The following DOCK9 variants were observed in gnomAD, a reference collection of about 807,000 sequenced individuals.
The protein encoded by DOCK9 is dedicator of cytokinesis protein 9.
Under a neutral mutation model 263.3 loss-of-function variants are expected in DOCK9, and 89 were observed. The ratio of observed to expected loss-of-function variants is 0.34; its 90% CI spans 0.28 to 0.40. DOCK9 has a LOEUF of 0.40. DOCK9 is among the 10% of genes least tolerant of loss of function. The pLI, the probability that DOCK9 is intolerant of heterozygous loss-of-function variation, is 1.00. For missense variants in DOCK9, 2,140 were observed against 2,603.4 expected (o/e 0.82, Z 3.87); for synonymous variants, 976 against 973.1 (o/e 1.00, Z -0.06).
chr13:98,816,050 A>G (rs1027481102), intron 45 of DOCK9, among the ~76,000 whole-genome samples: 3 of 152,188 alleles, frequency 2.0e-5, no homozygotes, highest in African/African-American at 7.2e-5. Flanking sequence ...TCATCCACCT[A>G]TTGTATCATT....
At chr13:99,041,592 T>C (rs1457586628) in intron 1 of DOCK9, among the ~76,000 whole-genome samples, 3 of 152,154 alleles carry the variant, frequency 2.0e-5, no homozygotes, top group Non-Finnish European at 4.4e-5. Context: ...GAAGTACACT[T>C]CCTACTCATC....
intron 1 of DOCK9, among the ~76,000 whole-genome samples, chr13:99,004,465 T>C (rs1204677568): frequency 1.3e-5 from 2 of 152,178 alleles, no homozygotes; most frequent in African/African-American, 4.8e-5. Flanking sequence ...CAAACATCCA[T>C]AAAACTATTT....
Position 99,038,288 on chromosome 13 carries a change from C to CCGCTTTTTTTTTTTTTTTTTTTT in DOCK9, c.129+47934_129+47935insAAAAAAAAAAAAAAAAAAAAGCG, listed in dbSNP as rs1888110933. ...GCTGAAAAACTGGCTTTATGCCCCCCTTTTTTTTTTTTTTTTTTTTTTTTT... is the reference window on the plus strand; with the variant it reads ...GCTGAAAAACTGGCTTTATGCCCCCCCGCTTTTTTTTTTTTTTTTTTTTTTTTTTTTTTTTTTTTTTTTTTTTT... On this transcript the variant is annotated intron_variant, in intron 1 of 32. Transcript: ENST00000427887. Among the ~76,000 whole-genome samples the CCGCTTTTTTTTTTTTTTTTTTTT allele has an allele frequency of 4.6e-5, 4 of 86,264 alleles. 2 individuals carry two copies. Among genetic ancestry groups the CCGCTTTTTTTTTTTTTTTTTTTT allele is most frequent in the Non-Finnish European group, 8.7e-5 (4 of 45,974 alleles). 56.6% of individuals were successfully genotyped at this position (86,264 alleles called of 152,430 possible).
intron 1 of DOCK9, among the ~76,000 whole-genome samples, chr13:99,066,604 A>G (rs1378082002): frequency 6.6e-6 from 1 of 152,142 alleles, no homozygotes; most frequent in Non-Finnish European, 1.5e-5. Flanking sequence ...GTCAAGATCC[A>G]ACTCCTTGCA....
chr13:98,845,987 C>A lies in DOCK9; in HGVS notation c.4135G>T (p.Gly1379Ter). The change falls in exon 38 of 53, where the codon GGA becomes TGA. Residue 1379 changes from glycine (G) to a stop codon, truncating the protein, a stop_gained. Coordinates refer to ENST00000682017, the MANE Select transcript of DOCK9 (RefSeq NM_001366683.2). LOFTEE classifies it high-confidence loss of function. ...QTLPVSRNRT[G>*]MMHARLQQLG... ...TGCTGCAATCTGGCATGCATCATTCCTGTTCTGTTACGGGAAACAGGCAAT... is the reference window on the plus strand; with the variant it reads ...TGCTGCAATCTGGCATGCATCATTCATGTTCTGTTACGGGAAACAGGCAAT... 6.2e-7 allele frequency: 1 copy of A among 1,612,260 alleles called. No homozygotes were observed. The highest frequency in any genetic ancestry group is 8.5e-7 in the Non-Finnish European group (1 of 1,179,184).
intron 4 of DOCK9, 79 bp from the exon 5 acceptor site, chr13:98,923,450 G>A: frequency 8.4e-7 from 1 of 1,189,124 alleles, no homozygotes; most frequent in East Asian, 2.3e-5. Flanking sequence ...TCCATCATAG[G>A]GCCCGGCCTT....
At position 98,990,762 on chromosome 13, in the gene DOCK9, C is replaced by T. The variant is rs533857907; in HGVS notation, c.130-35211G>A. On this transcript the variant is annotated intron_variant, in intron 1 of 32. Transcript: ENST00000427887. ...ACATATGAGCACCCCAGTTAATGGG[C>T]TCACTTTATCCTTCTACTATACTAA... is the stretch of plus-strand genomic sequence containing the variant. Among the ~76,000 whole-genome samples, 3 of 152,330 alleles carry T rather than the reference C, an allele frequency of 2.0e-5. No individual in the cohort carries two copies. In the South Asian group the frequency reaches 6.2e-4, roughly 32 times the overall value.
chr13:98,952,796 A>G (rs1239436532), intron 2 of DOCK9, among the ~76,000 whole-genome samples: 1 of 152,242 alleles, frequency 6.6e-6, no homozygotes, highest in Admixed American at 6.5e-5. Flanking sequence ...CATTTCAAAT[A>G]TATTTGGCAG....
chr13:99,078,205 T>A lies in DOCK9; in HGVS notation c.129+8018A>T, dbSNP rs114767038. ...AGCAGGTCTAGGGCGGGGCACAACA[T>A]GCGGTAGAAGCGGGGAGAATCAGAA... On this transcript the variant is annotated intron_variant, in intron 1 of 32. Transcript: ENST00000427887. Among the ~76,000 whole-genome samples, 448 of 152,196 alleles carry A rather than the reference T, an allele frequency of 2.9e-3. 2 individuals are homozygous for A. The highest frequency in any genetic ancestry group is 0.01 in the African/African-American group (435 of 41,526).
chr13:98,987,993 C>G (rs1055421695), intron 1 of DOCK9, among the ~76,000 whole-genome samples: 5 of 151,972 alleles, frequency 3.3e-5, no homozygotes, highest in African/African-American at 4.8e-5. Flanking sequence ...TTAATGTTAA[C>G]AGTAGTGTGT....
At chr13:98,831,840 T>C in intron 39 of DOCK9, 54 bp from the exon 40 acceptor site, 2 of 1,570,770 alleles carry the variant, frequency 1.3e-6, no homozygotes, top group Non-Finnish European at 8.6e-7. Context: ...TCTAGTAGGT[T>C]TCACACAATT....
intron 45 of DOCK9, among the ~76,000 whole-genome samples, chr13:98,818,262 A>G (rs556622978): frequency 4.0e-4 from 61 of 152,336 alleles, no homozygotes; most frequent in African/African-American, 1.4e-3. Context: ...TTGAATAGAA[A>G]TAACTGGTAA....
intron 1 of DOCK9, among the ~76,000 whole-genome samples, chr13:99,018,200 G>A (rs1323096561): frequency 6.6e-6 from 1 of 152,236 alleles, no homozygotes; most frequent in Non-Finnish European, 1.5e-5. Context: ...TCAATGGACA[G>A]TGCTGGGAAG....
intron 2 of DOCK9, among the ~76,000 whole-genome samples, chr13:98,948,110 A>G (rs1005235106): frequency 1.3e-5 from 2 of 152,224 alleles, no homozygotes; most frequent in Non-Finnish European, 2.9e-5. Flanking sequence ...CTTTGTAAGC[A>G]GCAGGCACAG....
chr13:99,052,469 G>A (rs2040740612), intron 1 of DOCK9, among the ~76,000 whole-genome samples: 1 of 152,244 alleles, frequency 6.6e-6, no homozygotes, highest in Non-Finnish European at 1.5e-5. Flanking sequence ...TCCATGGTGT[G>A]AGGTGGTATC....
chr13:99,037,252 C>T (rs538187148), intron 1 of DOCK9, among the ~76,000 whole-genome samples: 2 of 151,944 alleles, frequency 1.3e-5, no homozygotes, highest in African/African-American at 4.8e-5. Flanking sequence ...AGATTTGTAT[C>T]CAGATATATA....
chr13:98,829,898 G>C lies in DOCK9; in HGVS notation c.4636-142C>G. 1 of 637,814 alleles carries C rather than the reference G, an allele frequency of 1.6e-6. No homozygotes were observed. Among genetic ancestry groups the C allele is most frequent in the South Asian group, 1.8e-5 (1 of 55,128 alleles). 39.5% of individuals were successfully genotyped at this position (637,814 alleles called of 1,614,324 possible). A position where few individuals can be genotyped will look rare whatever the true frequency, so the allele number is the denominator to read the frequency against. On this transcript the variant is annotated intron_variant, in intron 41 of 52. Coordinates refer to ENST00000682017, the MANE Select transcript of DOCK9 (RefSeq NM_001366683.2). This position sits in a 1 kb window ranked among gnomAD's most constrained non-coding sequence, Gnocchi z 4.1. ...CTTTGAGCAGGGGTCGCTCCGTGTA[G>C]GAAACAATGTCTGAGGTATTTTCTT...
chr13:98,896,809 T>C lies in DOCK9; in HGVS notation c.1709+679A>G, dbSNP rs550492347. On this transcript the variant is annotated intron_variant, in intron 15 of 52. Coordinates refer to ENST00000682017, the MANE Select transcript of DOCK9 (RefSeq NM_001366683.2). The stretch of plus-strand genomic sequence containing the variant: ...CTTTGCCTCATTGTTATGGGTTGAA[T>C]TGTGTCCTCCAAAAGCATGGTGAAG... Among the ~76,000 whole-genome samples, 4 of 152,338 alleles carry C rather than the reference T, an allele frequency of 2.6e-5. No individual in the cohort carries two copies. In the South Asian group the frequency reaches 8.3e-4, roughly 32 times the overall value.
intron 7 of DOCK9, among the ~76,000 whole-genome samples, chr13:98,916,128 A>T (rs1196218118): frequency 6.6e-6 from 1 of 152,214 alleles, no homozygotes; most frequent in Non-Finnish European, 1.5e-5. Context: ...ACAGTAGTCC[A>T]TGTGCAGTAA....
Sources: allele counts gnomAD v4.1 joint callset (sites outside exome capture counted in the v4.1 genomes callset), GRCh38; gene constraint gnomAD v4.1.1; non-coding constraint Gnocchi (gnomAD v3.1); transcripts MANE v1.5; gene names NCBI Gene and HGNC (gene_info 2026-07-23, HGNC 2026-07-21).